PRDM15: variants seen among roughly 807,000 people sequenced by gnomAD.
PRDM15 encodes PR/SET domain 15.
Under a neutral mutation model 128.6 loss-of-function variants are expected in PRDM15, and 64 were observed. The observed-to-expected ratio is 0.50, with a 90% CI of 0.41 to 0.61. PRDM15 has a LOEUF of 0.61. PRDM15 is among the 20% of genes least tolerant of loss of function. The pLI, the probability that PRDM15 is intolerant of heterozygous loss-of-function variation, is 0.00. For missense variants in PRDM15, 1,242 were observed against 1,569.1 expected, an observed-to-expected ratio of 0.79 and a Z score of 3.52; for synonymous variants, 615 against 621.8, an observed-to-expected ratio of 0.99 and a Z score of 0.16.
intron 6 of PRDM15, among the ~76,000 whole-genome samples, chr21:41,843,115 G>T (rs554405477): frequency 1.3e-5 from 2 of 151,722 alleles, no homozygotes; most frequent in South Asian, 2.1e-4. Flanking sequence ...TTGTTTTTTT[G>T]TTTGTTTGTT....
chr21:41,824,518 T>C (rs1372290925), intron 13 of PRDM15, among the ~76,000 whole-genome samples: 1 of 108,600 alleles, frequency 9.2e-6, no homozygotes, highest in Non-Finnish European at 1.9e-5. Context: ...AAAACCTGTT[T>C]GGATGTCAGG....
intron 14 of PRDM15, 123 bp downstream of exon 14, chr21:41,823,195 A>T: frequency 7.9e-7 from 1 of 1,262,692 alleles, no homozygotes; most frequent in Non-Finnish European, 1.1e-6. Flanking sequence ...CAGAACCGTG[A>T]GCAGCACATG....
At chr21:41,835,135 G>A (rs1295108252) in intron 11 of PRDM15, among the ~76,000 whole-genome samples, 1 of 152,156 alleles carries the variant, frequency 6.6e-6, no homozygotes, top group African/African-American at 2.4e-5. Context: ...ATTGGACACT[G>A]CTGCTCCCTG....
In PRDM15 at chr21:41,859,883, C is replaced by T. The variant is rs549390619; in HGVS notation, c.38-198G>A. Reference sequence around the variant, plus strand: ...TGTCCCGAAGGCCTCTGTCAGCACTCGTGCACACATGAGGAGTGCAAAGGC... The same window carrying T: ...TGTCCCGAAGGCCTCTGTCAGCACTTGTGCACACATGAGGAGTGCAAAGGC... On this transcript the variant is annotated intron_variant, in intron 2 of 23. Transcript: ENST00000398548. This position sits in a 1 kb window ranked among gnomAD's most constrained non-coding sequence, Gnocchi z 5.3. Among the ~76,000 whole-genome samples, 119 of 152,222 alleles carry T rather than the reference C, an allele frequency of 7.8e-4. No homozygotes were observed. The highest frequency in any genetic ancestry group is 2.7e-3 in the African/African-American group (111 of 41,540).
At position 41,859,729 on chromosome 21, in the gene PRDM15, C is replaced by A. The variant is rs1321041442; in HGVS notation, c.38-44G>T. The stretch of plus-strand genomic sequence containing the variant: ...GCATTAGAGCACCCAGGGAGGGAGA[C>A]ACCTAAAGAACACAAACCTGGGAAA... On this transcript the variant is annotated intron_variant, in intron 2 of 23. Coordinates refer to ENST00000398548, the MANE Select transcript of PRDM15 (RefSeq NM_001040424.3). This position sits in a 1 kb window ranked among gnomAD's most constrained non-coding sequence, Gnocchi z 5.3. 14 of 1,546,850 alleles carry A rather than the reference C, an allele frequency of 9.1e-6. No individual in the cohort carries two copies. Among genetic ancestry groups the A allele is most frequent in the African/African-American group, 1.4e-5 (1 of 73,290 alleles).
chr21:41,857,097 G>A, intron 4 of PRDM15, 79 bp downstream of exon 4: 1 of 1,289,154 alleles, frequency 7.8e-7, no homozygotes, highest in Non-Finnish European at 1.1e-6. Flanking sequence ...GAAACTCAGT[G>A]GTCCTTGCTC....
chr21:41,861,536 C>G (rs539066026), intron 1 of PRDM15: 25 of 1,531,912 alleles, frequency 1.6e-5, no homozygotes, highest in African/African-American at 5.5e-5. Context: ...CCTCCTCTGC[C>G]CCCCCCCAAT....
At chr21:41,873,803 G>T (rs2064299172) in intron 1 of PRDM15, among the ~76,000 whole-genome samples, 1 of 152,122 alleles carries the variant, frequency 6.6e-6, no homozygotes, top group African/African-American at 2.4e-5. Flanking sequence ...CCAGCACTTT[G>T]GGGGGCCAAG....
chr21:41,872,214 T>G (rs922348804), intron 1 of PRDM15, among the ~76,000 whole-genome samples: 12 of 152,194 alleles, frequency 7.9e-5, no homozygotes, highest in Admixed American at 1.3e-4. Context: ...AGGGCGGCCA[T>G]TCAAGCCTCT....
At chr21:41,856,810 G>A (rs1244245740) in intron 4 of PRDM15, among the ~76,000 whole-genome samples, 1 of 152,140 alleles carries the variant, frequency 6.6e-6, no homozygotes, top group Non-Finnish European at 1.5e-5. Flanking sequence ...ACTACCATAC[G>A]CTCTGCACAG....
chr21:41,837,764 TCCA>T (rs2062943033), intron 8 of PRDM15, among the ~76,000 whole-genome samples, 167 bp downstream of exon 8: 1 of 4,570 alleles, frequency 2.2e-4, no homozygotes, highest in Non-Finnish European at 6.3e-4. Flanking sequence ...ACTCCTGAGC[TCCA>T]GAACATTCCT....
intron 1 of PRDM15, among the ~76,000 whole-genome samples, chr21:41,866,933 C>T (rs2064029940): frequency 6.6e-6 from 1 of 152,154 alleles, no homozygotes; most frequent in South Asian, 2.1e-4. Context: ...GGAGACCCTA[C>T]TCACTCCCTT....
chr21:41,859,049 T>C lies in PRDM15; in HGVS notation c.131+543A>G, dbSNP rs536158889. On this transcript the variant is annotated intron_variant, in intron 3 of 23. Coordinates refer to ENST00000398548, the MANE Select transcript of PRDM15 (RefSeq NM_001040424.3). The surrounding 1 kb of genome is among the most constrained non-coding windows in gnomAD (Gnocchi z 5.3). ...AGCTCACCTGCCCTGGGCCACCAGG[T>C]GGCACAGCCTCCCCCAGGTGAGGGT... 6 of 1,563,464 alleles carry C rather than the reference T, an allele frequency of 3.8e-6. No homozygotes were observed. In the South Asian group the frequency reaches 4.7e-5, roughly 12 times the overall value.
intron 3 of PRDM15, among the ~76,000 whole-genome samples, chr21:41,857,569 G>A (rs748191840): frequency 3.9e-5 from 6 of 152,178 alleles, no homozygotes; most frequent in Non-Finnish European, 8.8e-5. Flanking sequence ...AGACCAGCCT[G>A]GGCAATATGG....
chr21:41,867,032 C>T (rs1284915822), intron 1 of PRDM15, among the ~76,000 whole-genome samples: 2 of 152,192 alleles, frequency 1.3e-5, no homozygotes, highest in Admixed American at 1.3e-4. Context: ...ACAACCTGCT[C>T]GCCTAGCAGG....
chr21:41,835,973 ACTCTCCTC>A (rs2062871795), intron 10 of PRDM15, 132 bp downstream of exon 10: 15 of 98,048 alleles, frequency 1.5e-4, no homozygotes, highest in African/African-American at 3.4e-4. Context: ...GCCCCCGCCC[ACTCTCCTC>A]CCTCCCCCAC....
chr21:41,857,211 C>T lies in PRDM15; in HGVS notation c.250G>A (p.Ala84Thr), dbSNP rs764226889. The T allele has an allele frequency of 1.5e-5, 25 of 1,613,516 alleles. No homozygotes were observed. Among genetic ancestry groups the T allele is most frequent in the Admixed American group, 5.0e-5 (3 of 59,976 alleles). Residue 84 changes from alanine (A) to threonine (T), a missense_variant, in exon 4 of 24, where the codon GCC becomes ACC. By Grantham distance (58) the Ala-to-Thr change is moderately conservative. Coordinates refer to ENST00000398548, the MANE Select transcript of PRDM15 (RefSeq NM_001040424.3). ...QFGPFESRRV[A>T]KWEKESAFPL... ...AATGCAGACTCCTTTTCCCATTTGG[C>T]GACCCTCCTGGACTCAAAGGGACCG...
In PRDM15 at chr21:41,859,214, C is replaced by A. The variant is rs372157003; in HGVS notation, c.131+378G>T. The A allele has an allele frequency of 6.1e-5, 98 of 1,613,722 alleles. No homozygotes were observed. The highest frequency in any genetic ancestry group is 8.1e-5 in the Non-Finnish European group (95 of 1,179,934). Reference sequence around the variant, plus strand: ...CCCCGCCTGGGTGTGCACGTGTCCGCTGGCAGGCCAAGACCTGGAATGCAG... The same window carrying A: ...CCCCGCCTGGGTGTGCACGTGTCCGATGGCAGGCCAAGACCTGGAATGCAG... On this transcript the variant is annotated intron_variant, in intron 3 of 23. Coordinates refer to ENST00000398548, the MANE Select transcript of PRDM15 (RefSeq NM_001040424.3). The surrounding 1 kb of genome is among the most constrained non-coding windows in gnomAD (Gnocchi z 5.3).
At chr21:41,872,294 A>G (rs1356219318) in intron 1 of PRDM15, among the ~76,000 whole-genome samples, 1 of 151,944 alleles carries the variant, frequency 6.6e-6, no homozygotes, top group African/African-American at 2.4e-5. Flanking sequence ...TCAAACTTGG[A>G]TCTTGCATTT....
Sources: allele counts gnomAD v4.1 joint callset (sites outside exome capture counted in the v4.1 genomes callset), GRCh38; gene constraint gnomAD v4.1.1; non-coding constraint Gnocchi (gnomAD v3.1); transcripts MANE v1.5; gene names NCBI Gene and HGNC (gene_info 2026-07-23, HGNC 2026-07-21).